GABRG2: variants seen among roughly 807,000 people sequenced by gnomAD.
The protein encoded by GABRG2 is gamma-aminobutyric acid receptor subunit gamma-2.
Under a neutral mutation model 56.4 loss-of-function variants are expected in GABRG2, and 16 were observed. The ratio of observed to expected loss-of-function variants is 0.28; its 90% CI spans 0.19 to 0.43. GABRG2 has a LOEUF of 0.43. Ranked by LOEUF, GABRG2 falls within the 20% of genes least tolerant of loss-of-function variation. The probability of loss-of-function intolerance (pLI) is 1.00; values close to 1 mark genes in which losing one functional copy is unlikely to be tolerated. For synonymous variants in GABRG2, 208 were observed against 205.5 expected (o/e 1.01, Z -0.10); for missense variants, 327 against 582.7 (o/e 0.56, Z 4.52).
rs188769421 is a variant in GABRG2 at position 162,119,602 on chromosome 5, C to A, written c.769+15576C>A. On this transcript the variant is annotated intron_variant, in intron 6 of 9. Transcript: ENST00000639213. ...AAATTTTCCTTGAGCAGCCCACAGT[C>A]CAATGAAATGACAATGATCGAGATG... Among the ~76,000 whole-genome samples the A allele has an allele frequency of 2.4e-3, 369 of 152,142 alleles. 3 individuals carry two copies. The highest frequency in any genetic ancestry group is 8.5e-3 in the African/African-American group (354 of 41,540).
chr5:162,094,067 G>A (rs1262515837), intron 2 of GABRG2, 88 bp downstream of exon 2: 10 of 1,412,900 alleles, frequency 7.1e-6, no homozygotes, highest in Admixed American at 6.8e-5. Context: ...TAGTTCAAGA[G>A]CAAGGAAGAT....
At chr5:162,104,121 T>C (rs1761634878) in intron 6 of GABRG2, 95 bp downstream of exon 6, 2 of 1,111,724 alleles carry the variant, frequency 1.8e-6, no homozygotes, top group South Asian at 1.3e-5. Context: ...TCTCAATGAA[T>C]GATAATCAGA....
upstream of GABRG2, chr5:162,067,602 A>G (rs1758308498): frequency 6.5e-6 from 3 of 462,542 alleles, no homozygotes; most frequent in Non-Finnish European, 1.1e-5. Flanking sequence ...CAAAACAAAC[A>G]AATAAATAAC....
chr5:162,074,585 CATT>C (rs757116680), intron 1 of GABRG2, among the ~76,000 whole-genome samples: 182 of 152,010 alleles, frequency 1.2e-3, no homozygotes, highest in African/African-American at 2.7e-3. Context: ...TATAATATGT[CATT>C]ATAATCTTGA....
chr5:162,113,710 G>A (rs190093637), intron 6 of GABRG2, among the ~76,000 whole-genome samples: 3 of 152,276 alleles, frequency 2.0e-5, no homozygotes, highest in Admixed American at 1.3e-4. Context: ...TACATCTATT[G>A]TTCATTGCTA....
intron 1 of GABRG2, among the ~76,000 whole-genome samples, chr5:162,087,836 A>C (rs1443380682): frequency 2.0e-5 from 3 of 152,122 alleles, no homozygotes. Context: ...GCTGTTAATA[A>C]AGTAAACAAT....
chr5:162,077,990 G>A (rs916393963), intron 1 of GABRG2, among the ~76,000 whole-genome samples: 1 of 152,064 alleles, frequency 6.6e-6, no homozygotes, highest in African/African-American at 2.4e-5. Context: ...GTCTTTACAA[G>A]AAAGTGTCAA....
In GABRG2 at chr5:162,142,246, A is replaced by G. The variant is rs1476534864; in HGVS notation, c.852A>G (p.Thr284=). ...CCATCCAGACCTATATCCCCTGCAC[A>G]CTCATTGTCGTCCTATCCTGGGTGT... ...YFTIQTYIPC[T]LIVVLSWVSF... The change falls in exon 7 of 10, where the codon ACA becomes ACG. Residue 284 remains threonine (T), a synonymous_variant. Coordinates refer to ENST00000639213, the MANE Select transcript of GABRG2 (RefSeq NM_198904.4). 2.5e-6 allele frequency: 4 copies of G among 1,614,078 alleles called. No homozygotes were observed. The highest frequency in any genetic ancestry group is 3.4e-6 in the Non-Finnish European group (4 of 1,179,978).
chr5:162,111,331 A>C (rs879037364), intron 6 of GABRG2, among the ~76,000 whole-genome samples: 1 of 152,160 alleles, frequency 6.6e-6, no homozygotes, highest in African/African-American at 2.4e-5. Context: ...TGATTCTGGA[A>C]CATTTGTATG....
intron 2 of GABRG2, chr5:162,094,266 C>A: frequency 2.4e-6 from 1 of 413,560 alleles, no homozygotes; most frequent in South Asian, 2.5e-5. Flanking sequence ...AAAACAATGA[C>A]CCCTTTATGA....
intron 6 of GABRG2, among the ~76,000 whole-genome samples, chr5:162,122,722 C>A (rs1369746812): frequency 6.6e-6 from 1 of 151,494 alleles, no homozygotes; most frequent in Admixed American, 6.6e-5. Context: ...TAAATGGCTT[C>A]ATCAGTAAAT....
intron 9 of GABRG2, chr5:162,152,395 T>G (rs1291813122): frequency 4.6e-6 from 2 of 434,320 alleles, no homozygotes; most frequent in Admixed American, 5.1e-5. Flanking sequence ...ATTAAATATA[T>G]CATTTAGTTG....
intron 6 of GABRG2, among the ~76,000 whole-genome samples, chr5:162,133,827 T>A (rs527249725): frequency 6.6e-6 from 1 of 152,222 alleles, no homozygotes; most frequent in Non-Finnish European, 1.5e-5. Flanking sequence ...AGAAAACCAC[T>A]ACATTTGGAG....
chr5:162,139,119 G>A (rs981347898), intron 6 of GABRG2, among the ~76,000 whole-genome samples: 6 of 151,940 alleles, frequency 3.9e-5, no homozygotes, highest in Non-Finnish European at 8.8e-5. Context: ...ATATGTCTCC[G>A]CTCTTCAATC....
chr5:162,090,062 T>C (rs942624080), intron 1 of GABRG2, among the ~76,000 whole-genome samples: 9 of 152,148 alleles, frequency 5.9e-5, no homozygotes, highest in African/African-American at 2.2e-4. Flanking sequence ...TCCTTCTAAA[T>C]AAGATTGATT....
intron 6 of GABRG2, among the ~76,000 whole-genome samples, chr5:162,109,541 A>G (rs1762110674): frequency 6.6e-6 from 1 of 151,308 alleles, no homozygotes; most frequent in African/African-American, 2.4e-5. Flanking sequence ...ACCTTCTTTT[A>G]ATCATCTCTA....
intron 7 of GABRG2, chr5:162,142,556 A>G (rs571040312): frequency 7.2e-6 from 3 of 417,252 alleles, no homozygotes; most frequent in Non-Finnish European, 1.4e-5. Context: ...ACACCATGGA[A>G]TACTATGCAG....
chr5:162,078,097 G>C (rs1759292345), intron 1 of GABRG2, among the ~76,000 whole-genome samples: 1 of 151,956 alleles, frequency 6.6e-6, no homozygotes, highest in Non-Finnish European at 1.5e-5. Flanking sequence ...TTCCTACTTA[G>C]TAGGAAGTAG....
intron 5 of GABRG2, 60 bp downstream of exon 5, chr5:162,101,377 T>C: frequency 8.9e-7 from 1 of 1,117,552 alleles, no homozygotes; most frequent in South Asian, 1.2e-5. Flanking sequence ...CTGATTGCCA[T>C]GTTAATTAAT....
Sources: gnomAD v4.1 joint callset for allele counts (sites outside exome capture counted in the v4.1 genomes callset) on GRCh38, gnomAD v4.1.1 for gene constraint, MANE v1.5 for transcripts, NCBI Gene and HGNC (gene_info 2026-07-23, HGNC 2026-07-21) for gene names.